The following POR variants were observed in gnomAD, a reference collection of about 807,000 sequenced individuals.
POR encodes cytochrome p450 oxidoreductase.
In POR, 56 loss-of-function variants were observed where a neutral mutation model predicts 84.0. The observed-to-expected ratio is 0.67, with a 90% CI of 0.54 to 0.83. POR has a LOEUF of 0.83. Ranked by LOEUF, POR falls within the 40% of genes least tolerant of loss-of-function variation. The pLI is 0.00. For synonymous variants in POR, 414 were observed against 400.5 expected (o/e 1.03, Z -0.40); for missense variants, 938 against 944.3 (o/e 0.99, Z 0.09).
intron 1 of POR, among the ~76,000 whole-genome samples, chr7:75,936,294 G>T (rs1280484895): frequency 2.7e-5 from 4 of 148,586 alleles, no homozygotes; most frequent in Non-Finnish European, 6.0e-5. Context: ...TTGAGATGGA[G>T]GGGGTGGTCT....
At chr7:75,950,811 C>T (rs1225135343) in intron 1 of POR, among the ~76,000 whole-genome samples, 1 of 152,108 alleles carries the variant, frequency 6.6e-6, no homozygotes, top group Admixed American at 6.6e-5. Context: ...GCCTGTCATC[C>T]CAGCACTTTG....
intron 2 of POR, among the ~76,000 whole-genome samples, chr7:75,956,086 G>A (rs1195449294): frequency 6.6e-6 from 1 of 152,140 alleles, no homozygotes; most frequent in African/African-American, 2.4e-5. Context: ...ATCACTTGAG[G>A]TCAGGAGTTC....
rs4728534 is a variant in POR at position 75,960,971 on chromosome 7, A to T, written c.188+6791A>T. Reference sequence around the variant, plus strand: ...TATCAGGCCCAGCGTGGTGGCTGACACCTGTAATCCCAGCACTCTGGGAGG... The same window carrying T: ...TATCAGGCCCAGCGTGGTGGCTGACTCCTGTAATCCCAGCACTCTGGGAGG... On this transcript the variant is annotated intron_variant, in intron 2 of 15. Transcript: ENST00000461988. Among the ~76,000 whole-genome samples, 861 of 152,208 alleles carry T rather than the reference A, an allele frequency of 5.7e-3. 15 individuals are homozygous for T. Among genetic ancestry groups the T allele is most frequent in the Admixed American group, 0.036 (555 of 15,276 alleles).
Position 75,984,827 on chromosome 7 carries a change from G to A in POR, c.1117G>A (p.Ala373Thr). Residue 373 changes from alanine to threonine, a missense_variant, in exon 11 of 16, where the codon GCC becomes ACC. By Grantham distance (58) the Ala-to-Thr change is moderately conservative (BLOSUM62 0). Transcript: ENST00000461988. ...CCCGTGCCCTACGTCCTACCGCACG[G>A]CCCTCACCTACTACCTGGACATCAC... 6.2e-7 allele frequency: 1 copy of A among 1,612,638 alleles called. No homozygotes were observed. The highest frequency in any genetic ancestry group is 8.5e-7 in the Non-Finnish European group (1 of 1,179,810).
At chr7:75,981,450 TG>T in intron 6 of POR, 66 bp from the exon 7 acceptor site, 1 of 1,470,550 alleles carries the variant, frequency 6.8e-7, no homozygotes, top group South Asian at 1.2e-5. Flanking sequence ...GGGGCGTGCC[TG>T]GCACCAGGTA....
intron 1 of POR, among the ~76,000 whole-genome samples, chr7:75,949,178 G>A (rs1585101072): frequency 6.6e-6 from 1 of 151,550 alleles, no homozygotes; most frequent in Admixed American, 6.6e-5. Context: ...TTTTTGAGAC[G>A]GAGTCTCACT....
chr7:75,985,755 C>T lies in POR; in HGVS notation c.1575C>T (p.Phe525=). 1 of 1,582,168 alleles carries T rather than the reference C, an allele frequency of 6.3e-7. No individual in the cohort carries two copies. The highest frequency in any genetic ancestry group is 2.3e-5 in the East Asian group (1 of 43,128). Residue 525 remains phenylalanine, a synonymous_variant, in exon 13 of 16, where the codon TTC becomes TTT. Coordinates refer to ENST00000461988, the MANE Select transcript of POR (RefSeq NM_000941.3). ...GCAAGTCCCAGTTCCGCCTGCCCTT[C>T]AAGGCCACCACGCCTGTCATCATGG...
intron 1 of POR, among the ~76,000 whole-genome samples, chr7:75,949,303 G>A (rs1787313185): frequency 6.6e-6 from 1 of 151,856 alleles, no homozygotes; most frequent in Non-Finnish European, 1.5e-5. Flanking sequence ...CTACAGGCAC[G>A]CGTCACCATG....
chr7:75,981,022 T>G, intron 5 of POR, 26 bp from the exon 6 acceptor site: 6 of 1,546,300 alleles, frequency 3.9e-6, no homozygotes, highest in Non-Finnish European at 5.3e-6. Flanking sequence ...GGGCCAGGCC[T>G]CAGAGCGGCC....
rs1789345211 is a variant in POR at position 75,985,127 on chromosome 7, C to T, written c.1318C>T (p.Leu440=). The T allele has an allele frequency of 6.2e-7, 1 of 1,600,148 alleles. No individual in the cohort carries two copies. The highest frequency in any genetic ancestry group is 8.5e-7 in the Non-Finnish European group (1 of 1,179,588). ...GGCCATCCTGCAGGACTGCCCGTCC[C>T]TGCGGCCCCCCATCGACCACCTGTG... The change falls in exon 12 of 16, where the codon CTG becomes TTG. Residue 440 remains leucine, a synonymous_variant. Coordinates refer to ENST00000461988, the MANE Select transcript of POR (RefSeq NM_000941.3).
intron 2 of POR, among the ~76,000 whole-genome samples, chr7:75,955,361 G>A (rs1227215236): frequency 6.6e-6 from 1 of 152,232 alleles, no homozygotes; most frequent in Non-Finnish European, 1.5e-5. Flanking sequence ...GATACCGAAG[G>A]TCTGCCTAAG....
At chr7:75,935,274 G>A (rs974305500) in intron 1 of POR, among the ~76,000 whole-genome samples, 61 of 152,016 alleles carry the variant, frequency 4.0e-4, no homozygotes, top group African/African-American at 1.4e-3. Flanking sequence ...TGTAATCCCA[G>A]CACTATGGGA....
Position 75,977,970 on chromosome 7 carries a change from G to A in POR, c.238-1481G>A, listed in dbSNP as rs534695683. Among the ~76,000 whole-genome samples the A allele has an allele frequency of 1.6e-4, 25 of 152,282 alleles. No homozygotes were observed. The South Asian group carries it at 4.8e-3, about 29-fold the overall frequency. On this transcript the variant is annotated intron_variant, in intron 3 of 15. Coordinates refer to ENST00000461988, the MANE Select transcript of POR (RefSeq NM_000941.3). ...GCAACTCCAGCCCCAACGGGCTCTG[G>A]GGAATAGGATTTCAGGCTTTTCAAC... is the stretch of plus-strand genomic sequence containing the variant.
rs1554557296 is a variant in POR, at chr7:75,979,462, C to A, written c.249C>A (p.Ile83=). ...TCTGCCTTCCTTAGGGGAGGAACAT[C>A]ATCGTGTTCTACGGCTCCCAGACGG... Residue 83 remains isoleucine, a synonymous_variant, in exon 4 of 16, where the codon ATC becomes ATA. Transcript: ENST00000461988. The A allele has an allele frequency of 3.1e-6, 5 of 1,613,288 alleles. No individual in the cohort carries two copies. In the Admixed American group the frequency reaches 8.3e-5, roughly 27 times the overall value.
chr7:75,979,333 C>A, intron 3 of POR, 118 bp from the exon 4 acceptor site: 3 of 1,258,384 alleles, frequency 2.4e-6, no homozygotes, highest in Non-Finnish European at 2.2e-6. Flanking sequence ...GACTCAAAGC[C>A]AGGAAGGAAA....
intron 2 of POR, among the ~76,000 whole-genome samples, chr7:75,959,018 G>T (rs369117328): frequency 3.3e-5 from 5 of 152,204 alleles, no homozygotes; most frequent in Admixed American, 2.6e-4. Flanking sequence ...TCATGTTGAC[G>T]CTCAAAAAGT....
At chr7:75,965,946 G>A (rs541760782) in intron 2 of POR, among the ~76,000 whole-genome samples, 367 of 152,150 alleles carry the variant, frequency 2.4e-3, no homozygotes, top group Non-Finnish European at 4.0e-3. Context: ...GGGTAAAGCC[G>A]GGGGAGGTGC....
At chr7:75,935,801 T>A (rs1554550747) in intron 1 of POR, among the ~76,000 whole-genome samples, 1 of 152,044 alleles carries the variant, frequency 6.6e-6, no homozygotes, top group East Asian at 1.9e-4. Flanking sequence ...GCCCTTGGTG[T>A]GCAGGCACTT....
At chr7:75,922,107 A>G (rs181188045) in intron 1 of POR, among the ~76,000 whole-genome samples, 41 of 152,284 alleles carry the variant, frequency 2.7e-4, no homozygotes, top group Middle Eastern at 3.4e-3. Context: ...CCTAGTGGCA[A>G]TACGGTTGGA....
Sources: gnomAD v4.1 joint callset for allele counts (sites outside exome capture counted in the v4.1 genomes callset) on GRCh38, gnomAD v4.1.1 for gene constraint, MANE v1.5 for transcripts, NCBI Gene and HGNC (gene_info 2026-07-23, HGNC 2026-07-21) for gene names.